PDCD6IP: variants seen among roughly 807,000 people sequenced by gnomAD.
PDCD6IP encodes the protein programmed cell death 6-interacting protein.
In PDCD6IP, 43 loss-of-function variants were observed where a neutral mutation model predicts 103.7. The observed-to-expected ratio is 0.41, with a 90% CI of 0.32 to 0.53. The LOEUF is 0.53. PDCD6IP is among the 20% of genes least tolerant of loss of function. The pLI is 0.16. For missense variants in PDCD6IP, 871 were observed against 1,036.7 expected (o/e 0.84, Z 2.20); for synonymous variants, 354 against 378.7 (o/e 0.93, Z 0.76).
intron 2 of PDCD6IP, among the ~76,000 whole-genome samples, chr3:33,812,556 A>G (rs1696743232): frequency 6.6e-6 from 1 of 152,248 alleles, no homozygotes; most frequent in African/African-American, 2.4e-5. Context: ...AATTACATGA[A>G]TGTCAACTAT....
chr3:33,862,197 AACTT>A, intron 15 of PDCD6IP, among the ~76,000 whole-genome samples: 2 of 151,756 alleles, frequency 1.3e-5, no homozygotes, highest in South Asian at 4.2e-4. Context: ...ATTGATTAAA[AACTT>A]ATTTATTTTA....
intron 3 of PDCD6IP, among the ~76,000 whole-genome samples, chr3:33,818,703 G>T (rs995625292): frequency 1.3e-5 from 2 of 151,756 alleles, no homozygotes; most frequent in African/African-American, 4.8e-5. Flanking sequence ...ACTTTTAATA[G>T]AGACAGGGTT....
chr3:33,806,606 T>G (rs920581112), intron 1 of PDCD6IP, among the ~76,000 whole-genome samples: 1 of 152,246 alleles, frequency 6.6e-6, no homozygotes, highest in African/African-American at 2.4e-5. Flanking sequence ...GCTTTCCCTG[T>G]GCCTACTTAT....
intron 9 of PDCD6IP, among the ~76,000 whole-genome samples, chr3:33,840,083 A>G (rs768761576): frequency 5.9e-5 from 9 of 152,186 alleles, no homozygotes; most frequent in Non-Finnish European, 1.0e-4. Context: ...AAATCTGCAT[A>G]TAACTTCTGA....
At chr3:33,813,892 A>G (rs1217988925) in intron 3 of PDCD6IP, among the ~76,000 whole-genome samples, 1 of 152,222 alleles carries the variant, frequency 6.6e-6, no homozygotes, top group Non-Finnish European at 1.5e-5. Flanking sequence ...AAAGTGTAAT[A>G]TGTAATAGCC....
intron 1 of PDCD6IP, 123 bp downstream of exon 1, chr3:33,799,060 G>C: frequency 1.1e-6 from 1 of 939,844 alleles, no homozygotes; most frequent in Non-Finnish European, 1.5e-6. Flanking sequence ...GGCCTGACCA[G>C]GCGCGTAGGT....
At position 33,821,971 on chromosome 3, in the gene PDCD6IP, A is replaced by G. The variant is rs749628714; in HGVS notation, c.351A>G (p.Gly117=). 21 of 1,613,332 alleles carry G rather than the reference A, an allele frequency of 1.3e-5. 1 individual carries two copies. The South Asian group carries it at 1.9e-4, about 14-fold the overall frequency. ...GSVKLALASL[G]YEKSCVLFNC... is the part of the protein sequence containing the mutation. ...TTTTTACAGCTCTTGCAAGCTTAGG[A>G]TATGAAAAGAGCTGTGTGTTGTTCA... The change falls in exon 4 of 18, where the codon GGA becomes GGG. Residue 117 remains glycine, a synonymous_variant. Transcript: ENST00000307296.
chr3:33,802,624 G>A (rs1696502596), intron 1 of PDCD6IP, among the ~76,000 whole-genome samples: 1 of 151,802 alleles, frequency 6.6e-6, no homozygotes, highest in Non-Finnish European at 1.5e-5. Context: ...TGAGTAGCTG[G>A]GATTTACAGG....
intron 15 of PDCD6IP, among the ~76,000 whole-genome samples, chr3:33,857,124 C>T (rs1697846433): frequency 6.6e-6 from 1 of 152,106 alleles, no homozygotes; most frequent in Non-Finnish European, 1.5e-5. Context: ...AATATTTCTA[C>T]TAAACCTATA....
intron 6 of PDCD6IP, 159 bp from the exon 7 acceptor site, chr3:33,828,691 TGTC>T (rs1410971225): frequency 2.0e-6 from 1 of 511,670 alleles, no homozygotes; most frequent in African/African-American, 2.0e-5. Flanking sequence ...CACAAAATCA[TGTC>T]GTCTTCTCTG....
At chr3:33,800,303 C>G (rs1165397179) in intron 1 of PDCD6IP, among the ~76,000 whole-genome samples, 1 of 152,052 alleles carries the variant, frequency 6.6e-6, no homozygotes, top group African/African-American at 2.4e-5. Context: ...CCGCAACACT[C>G]AGTATCTTAC....
At chr3:33,810,791 A>G (rs2125545440) in intron 1 of PDCD6IP, among the ~76,000 whole-genome samples, 1 of 152,242 alleles carries the variant, frequency 6.6e-6, no homozygotes, top group South Asian at 2.1e-4. Flanking sequence ...GGGCAACAGA[A>G]TGATACCCTG....
chr3:33,836,008 CTT>C (rs34046608), intron 7 of PDCD6IP, 34 bp from the exon 8 acceptor site: 1,940 of 915,276 alleles, frequency 2.1e-3, no homozygotes, highest in South Asian at 3.6e-3. Flanking sequence ...TCACCTCCCT[CTT>C]TTTTTTTTTT....
chr3:33,836,358 C>A, intron 8 of PDCD6IP, 92 bp downstream of exon 8: 1 of 691,260 alleles, frequency 1.4e-6, no homozygotes. Context: ...CTGTTGTATG[C>A]TTTGAATATA....
chr3:33,801,535 A>T (rs966337947), intron 1 of PDCD6IP, among the ~76,000 whole-genome samples: 5 of 152,194 alleles, frequency 3.3e-5, no homozygotes, highest in African/African-American at 7.2e-5. Context: ...GTGTGGTAGC[A>T]TGCACTCATA....
chr3:33,826,205 A>C (rs1011749143), intron 5 of PDCD6IP, among the ~76,000 whole-genome samples: 2 of 152,154 alleles, frequency 1.3e-5, no homozygotes, highest in Non-Finnish European at 2.9e-5. Context: ...TAGTATATTC[A>C]TAGAGTTTTG....
intron 10 of PDCD6IP, among the ~76,000 whole-genome samples, 180 bp from the exon 11 acceptor site, chr3:33,843,932 G>A (rs543586297): frequency 7.0e-6 from 1 of 143,714 alleles, no homozygotes; most frequent in Non-Finnish European, 1.5e-5. Flanking sequence ...AAATTTATAA[G>A]ACTTTTTGTT....
intron 5 of PDCD6IP, 112 bp from the exon 6 acceptor site, chr3:33,826,368 C>A: frequency 1.4e-6 from 1 of 698,538 alleles, no homozygotes; most frequent in Non-Finnish European, 2.3e-6. Flanking sequence ...GTGATTTCAT[C>A]AAGAAAGATG....
At chr3:33,806,265 A>T (rs2125542623) in intron 1 of PDCD6IP, among the ~76,000 whole-genome samples, 1 of 152,172 alleles carries the variant, frequency 6.6e-6, no homozygotes, top group African/African-American at 2.4e-5. Flanking sequence ...TCATACATGT[A>T]CTCCTGTGTG....
Sources: gnomAD v4.1 joint callset for allele counts (sites outside exome capture counted in the v4.1 genomes callset) on GRCh38, gnomAD v4.1.1 for gene constraint, MANE v1.5 for transcripts, NCBI Gene and HGNC (gene_info 2026-07-23, HGNC 2026-07-21) for gene names.